The following CADPS variants were observed in gnomAD, a reference collection of about 807,000 sequenced individuals.
CADPS encodes calcium dependent secretion activator, also known as calcium-dependent secretion activator 1.
A neutral mutation model predicts 167.3 loss-of-function variants in CADPS; 57 were observed. That is an observed-to-expected ratio of 0.34 (90% CI 0.28 to 0.42). CADPS has a LOEUF of 0.42. Ranked by LOEUF, CADPS falls within the 20% of genes least tolerant of loss-of-function variation. The pLI, the probability that CADPS is intolerant of heterozygous loss-of-function variation, is 1.00. For missense variants in CADPS, 1,414 were observed against 1,738.1 expected, an observed-to-expected ratio of 0.81 and a Z score of 3.32; for synonymous variants, 676 against 635.3, an observed-to-expected ratio of 1.06 and a Z score of -0.96.
At position 62,448,630 on chromosome 3, in the gene CADPS, G is replaced by T. The variant is rs145017027; in HGVS notation, c.3637-2833C>A. Among the ~76,000 whole-genome samples, 625 of 151,272 alleles carry T rather than the reference G, an allele frequency of 4.1e-3. 3 individuals carry two copies. Among genetic ancestry groups the T allele is most frequent in the African/African-American group, 0.014 (579 of 41,170 alleles). On this transcript the variant is annotated intron_variant, in intron 26 of 29. Coordinates refer to ENST00000383710, the MANE Select transcript of CADPS (RefSeq NM_003716.4). ...GGATATTGAACTTTTTTGGGGGGGG[G>T]TGGTATGGAGTCTCACTGTGTCACC...
At chr3:62,838,858 A>G (rs1041794997) in intron 1 of CADPS, among the ~76,000 whole-genome samples, 1 of 152,176 alleles carries the variant, frequency 6.6e-6, no homozygotes, top group East Asian at 1.9e-4. Flanking sequence ...GAGGAATCTG[A>G]GCATCAGATG....
intron 4 of CADPS, among the ~76,000 whole-genome samples, chr3:62,655,956 G>A (rs576979854): frequency 6.6e-6 from 1 of 152,130 alleles, no homozygotes; most frequent in Non-Finnish European, 1.5e-5. Context: ...AGTACAAAGA[G>A]GGCATCAAGG....
At chr3:62,869,130 T>C (rs1420482542) in intron 1 of CADPS, among the ~76,000 whole-genome samples, 2 of 152,254 alleles carry the variant, frequency 1.3e-5, no homozygotes, top group South Asian at 2.1e-4. Context: ...CAATGAGCAT[T>C]TCTATTGAGC....
intron 7 of CADPS, among the ~76,000 whole-genome samples, chr3:62,588,739 A>G (rs762083546): frequency 1.2e-4 from 18 of 152,360 alleles, no homozygotes; most frequent in African/African-American, 4.3e-4. Flanking sequence ...TAAATAAAAT[A>G]TATCTACATA....
chr3:62,535,783 T>A (rs1377028865), intron 12 of CADPS, among the ~76,000 whole-genome samples: 1 of 152,100 alleles, frequency 6.6e-6, no homozygotes, highest in Non-Finnish European at 1.5e-5. Flanking sequence ...AAAAATATAA[T>A]AGCACTCCCT....
At chr3:62,787,495 C>T (rs934337101) in intron 1 of CADPS, among the ~76,000 whole-genome samples, 1 of 151,970 alleles carries the variant, frequency 6.6e-6, no homozygotes, top group Non-Finnish European at 1.5e-5. Context: ...ACAACCAAAA[C>T]ATTATTTTAT....
At chr3:62,673,978 T>C (rs982591424) in intron 3 of CADPS, among the ~76,000 whole-genome samples, 2 of 152,198 alleles carry the variant, frequency 1.3e-5, no homozygotes, top group Non-Finnish European at 2.9e-5. Flanking sequence ...TCAAATCGAA[T>C]GCTTTTGCTA....
chr3:62,850,671 G>T (rs920300513), intron 1 of CADPS, among the ~76,000 whole-genome samples: 2 of 151,738 alleles, frequency 1.3e-5, no homozygotes, highest in African/African-American at 2.4e-5. Context: ...TTTTACATTT[G>T]CTGAGGAGAG....
intron 17 of CADPS, among the ~76,000 whole-genome samples, chr3:62,509,127 A>T (rs1215418842): frequency 6.6e-6 from 1 of 151,500 alleles, no homozygotes; most frequent in Non-Finnish European, 1.5e-5. Flanking sequence ...ACATGGTAAA[A>T]CCCCATCTCT....
At chr3:62,629,268 C>G (rs191934629) in intron 6 of CADPS, among the ~76,000 whole-genome samples, 2 of 152,148 alleles carry the variant, frequency 1.3e-5, no homozygotes. Context: ...TCCTTTGTGT[C>G]TGTTTGTAGT....
At chr3:62,852,288 C>T (rs2078767626) in intron 1 of CADPS, among the ~76,000 whole-genome samples, 1 of 152,048 alleles carries the variant, frequency 6.6e-6, no homozygotes, top group Admixed American at 6.6e-5. Flanking sequence ...CAAAATCATT[C>T]TCCATCCAGC....
intron 28 of CADPS, among the ~76,000 whole-genome samples, chr3:62,432,354 C>A (rs1201913147): frequency 6.6e-6 from 1 of 152,088 alleles, no homozygotes; most frequent in East Asian, 1.9e-4. Flanking sequence ...AGTGGCAGAA[C>A]CAAGTTTCCT....
intron 6 of CADPS, among the ~76,000 whole-genome samples, chr3:62,607,629 A>G (rs1047055052): frequency 3.3e-5 from 5 of 152,146 alleles, no homozygotes; most frequent in Non-Finnish European, 7.4e-5. Context: ...CTGCCCTCCA[A>G]GCAGCCAGCC....
chr3:62,415,540 T>A (rs1036263970), intron 28 of CADPS, among the ~76,000 whole-genome samples: 1 of 152,024 alleles, frequency 6.6e-6, no homozygotes, highest in African/African-American at 2.4e-5. Context: ...AAAGCTGACA[T>A]GCTCGTAGCT....
chr3:62,518,409 C>T (rs752386053), intron 13 of CADPS, among the ~76,000 whole-genome samples, 159 bp from the exon 14 acceptor site: 6 of 152,146 alleles, frequency 3.9e-5, no homozygotes, highest in Non-Finnish European at 8.8e-5. Context: ...CTTCCAAAGG[C>T]GTTGGGTTGT....
chr3:62,813,416 AGAAGAACCAAACT>A (rs957062317), intron 1 of CADPS, among the ~76,000 whole-genome samples: 5 of 147,476 alleles, frequency 3.4e-5, no homozygotes, highest in African/African-American at 1.3e-4. Context: ...AACCATATGC[AGAAGAACCAAACT>A]GGACCCCTAC....
chr3:62,553,085 G>A (rs1016959556), intron 10 of CADPS, among the ~76,000 whole-genome samples: 10 of 152,184 alleles, frequency 6.6e-5, no homozygotes, highest in Non-Finnish European at 1.0e-4. Flanking sequence ...GCCTAGTCTC[G>A]TGGTATCCTT....
At chr3:62,560,038 C>A (rs1388969750) in intron 9 of CADPS, among the ~76,000 whole-genome samples, 1 of 150,758 alleles carries the variant, frequency 6.6e-6, no homozygotes, top group Non-Finnish European at 1.5e-5. Context: ...TATGCTGATG[C>A]CCTCTTCTGG....
At chr3:62,549,264 T>C (rs1207177181) in intron 11 of CADPS, among the ~76,000 whole-genome samples, 9 of 152,142 alleles carry the variant, frequency 5.9e-5, no homozygotes, top group Non-Finnish European at 1.2e-4. Context: ...GTATCAGAAG[T>C]ATTGATAGAT....
Sources: gnomAD v4.1 joint callset for allele counts (sites outside exome capture counted in the v4.1 genomes callset) on GRCh38, gnomAD v4.1.1 for gene constraint, MANE v1.5 for transcripts, NCBI Gene and HGNC (gene_info 2026-07-23, HGNC 2026-07-21) for gene names.